MYO5C: variants seen among roughly 807,000 people sequenced by gnomAD.
MYO5C encodes myosin VC, also known as unconventional myosin-Vc.
Under a neutral mutation model 235.7 loss-of-function variants are expected in MYO5C, and 194 were observed. That is an observed-to-expected ratio of 0.82 (90% CI 0.73 to 0.93). The LOEUF (loss-of-function observed/expected upper bound fraction) is 0.93. MYO5C is among the 40% of genes least tolerant of loss of function. MYO5C has a pLI of 0.00. For missense variants in MYO5C, 2,038 were observed against 2,127.2 expected, an observed-to-expected ratio of 0.96 and a Z score of 0.82; for synonymous variants, 707 against 754.8, an observed-to-expected ratio of 0.94 and a Z score of 1.04.
chr15:52,220,548 G>A (rs932900477), intron 30 of MYO5C, among the ~76,000 whole-genome samples: 8 of 152,064 alleles, frequency 5.3e-5, no homozygotes, highest in African/African-American at 1.9e-4. Flanking sequence ...GCTGGGTTCA[G>A]TAGCTCACGG....
intron 7 of MYO5C, among the ~76,000 whole-genome samples, chr15:52,270,201 G>A (rs1012980534): frequency 6.6e-6 from 1 of 152,192 alleles, no homozygotes; most frequent in African/African-American, 2.4e-5. Flanking sequence ...AGGATCACTT[G>A]AGCCCAGGAG....
rs2035516240 is a variant in MYO5C, at chr15:52,214,724, A to C, written c.3955-34T>G. ...ATAAAAAGAAACCAGGATTTAGCTT[A>C]GAAGCACTTTAATCTATTTTTTTTT... On this transcript the variant is annotated intron_variant, in intron 32 of 40. Coordinates refer to ENST00000261839, the MANE Select transcript of MYO5C (RefSeq NM_018728.4). The C allele has an allele frequency of 2.1e-6, 3 of 1,451,656 alleles. No individual in the cohort carries two copies. In the Admixed American group the frequency reaches 7.2e-5, roughly 35 times the overall value. 89.9% of individuals were successfully genotyped at this position (1,451,656 alleles called of 1,614,324 possible). A position where few individuals can be genotyped will look rare whatever the true frequency, so the allele number is the denominator to read the frequency against.
intron 8 of MYO5C, among the ~76,000 whole-genome samples, chr15:52,267,422 A>T (rs1161953521): frequency 6.6e-6 from 1 of 152,224 alleles, no homozygotes; most frequent in Non-Finnish European, 1.5e-5. Context: ...ATGGTGGCTT[A>T]TGCCTGTAAT....
At chr15:52,221,287 A>T in intron 29 of MYO5C, 32 bp from the exon 30 acceptor site, 1 of 1,460,132 alleles carries the variant, frequency 6.8e-7, no homozygotes, top group Non-Finnish European at 9.4e-7. Flanking sequence ...ATTAGAATAT[A>T]AAATACTTTT....
intron 32 of MYO5C, among the ~76,000 whole-genome samples, chr15:52,215,419 CAT>C (rs1003224383): frequency 1.1e-4 from 16 of 152,322 alleles, no homozygotes; most frequent in African/African-American, 3.6e-4. Context: ...GCATTTGACA[CAT>C]ATAGAATTCA....
Position 52,235,735 on chromosome 15 carries a change from G to A in MYO5C, c.2897C>T (p.Ser966Leu). ...EKLAKLQKHNSELETQKEQIQ... is the reference protein window; with the variant it reads ...EKLAKLQKHNLELETQKEQIQ... ...TTGTTCTTTCTGTGTTTCCAGTTCT[G>A]AATTATGCTTCTGAAGCTTTGCCAA... Residue 966 changes from serine to leucine, a missense_variant, in exon 23 of 41, where the codon TCA becomes TTA. By Grantham distance (145) the Ser-to-Leu change is moderately radical. Coordinates refer to ENST00000261839, the MANE Select transcript of MYO5C (RefSeq NM_018728.4). The A allele has an allele frequency of 6.2e-7, 1 of 1,611,176 alleles. No individual in the cohort carries two copies. Among genetic ancestry groups the A allele is most frequent in the East Asian group, 2.2e-5 (1 of 44,826 alleles).
rs755980618 is a variant in MYO5C, at chr15:52,242,148, C to A, written c.2456G>T (p.Arg819Leu). ...ATACAGGCTGCGAACAAGATACCCGCGGCAGTGCTTCTGAATGATTATGGC... is the reference window on the plus strand; with the variant it reads ...ATACAGGCTGCGAACAAGATACCCGAGGCAGTGCTTCTGAATGATTATGGC... ...WAAIIIQKHC[R>L]GYLVRSLYQL... Residue 819 changes from arginine (R) to leucine (L), a missense_variant, in exon 20 of 41, where the codon CGC (arginine) becomes CTC (leucine). By Grantham distance (102) the Arg-to-Leu change is moderately radical. Coordinates refer to ENST00000261839, the MANE Select transcript of MYO5C (RefSeq NM_018728.4). 1.2e-6 allele frequency: 2 copies of A among 1,614,126 alleles called. No individual in the cohort carries two copies. The highest frequency in any genetic ancestry group is 1.7e-5 in the Admixed American group (1 of 60,020).
intron 3 of MYO5C, 103 bp from the exon 4 acceptor site, chr15:52,279,120 C>T (rs1468952191): frequency 5.5e-6 from 7 of 1,268,764 alleles, no homozygotes; most frequent in African/African-American, 1.5e-5. Flanking sequence ...ATTAAACCTT[C>T]TGTGTGACTT....
At chr15:52,268,273 AGAAATGGCTGGCC>A (rs1310739308) in intron 8 of MYO5C, among the ~76,000 whole-genome samples, 2 of 152,224 alleles carry the variant, frequency 1.3e-5, no homozygotes, top group African/African-American at 2.4e-5. Flanking sequence ...AGCAAGACGT[AGAAATGGCTGGCC>A]GGGCGCGGTG....
chr15:52,225,567 A>G (rs778483603), intron 25 of MYO5C, 35 bp from the exon 26 acceptor site: 5 of 1,431,832 alleles, frequency 3.5e-6, no homozygotes, highest in South Asian at 1.1e-5. Context: ...AGGTAAAGAA[A>G]AAACAACGAT....
intron 8 of MYO5C, among the ~76,000 whole-genome samples, chr15:52,267,351 T>A (rs2036834503): frequency 6.6e-6 from 1 of 152,030 alleles, no homozygotes; most frequent in African/African-American, 2.4e-5. Flanking sequence ...TCCTCACGAG[T>A]TGTCATGAAA....
In MYO5C at chr15:52,261,012, G is replaced by T. The variant is rs2036683356; in HGVS notation, c.1163C>A (p.Pro388His). ...IVTSSETVVK[P>H]MTRPQAVNAR... ...GTTGACAGCCTGAGGCCTGGTCATG[G>T]GTTTTACCACCGTCTCAGAGCTTGT... Residue 388 changes from proline to histidine, a missense_variant, in exon 10 of 41, where the codon CCC (proline) becomes CAC (histidine). Pro to His is a moderately conservative substitution (Grantham distance 77, BLOSUM62 -2). Coordinates refer to ENST00000261839, the MANE Select transcript of MYO5C (RefSeq NM_018728.4). The T allele has an allele frequency of 6.2e-7, 1 of 1,614,174 alleles. No homozygotes were observed. The highest frequency in any genetic ancestry group is 8.5e-7 in the Non-Finnish European group (1 of 1,180,022).
At position 52,232,272 on chromosome 15, in the gene MYO5C, G is replaced by A. The variant is rs201745800; in HGVS notation, c.3026+350C>T. 1.3e-3 allele frequency among the ~76,000 whole-genome samples: 159 copies of A among 117,834 alleles called. 18 individuals carry two copies. The highest frequency in any genetic ancestry group is 4.2e-3 in the African/African-American group (110 of 26,002). 77.3% of individuals were successfully genotyped at this position (117,834 alleles called of 152,430 possible). A position where few individuals can be genotyped will look rare whatever the true frequency, so the allele number is the denominator to read the frequency against. Reference sequence around the variant, plus strand: ...AGGAGAGAAGGAAGGAAGGAGAGAAGGAAGGAAGGAGAGAAGGAAGGAAGG... The same window carrying A: ...AGGAGAGAAGGAAGGAAGGAGAGAAAGAAGGAAGGAGAGAAGGAAGGAAGG... On this transcript the variant is annotated intron_variant, in intron 24 of 40. Transcript: ENST00000261839.
chr15:52,222,559 A>C (rs2035715595), intron 29 of MYO5C, among the ~76,000 whole-genome samples: 3 of 151,904 alleles, frequency 2.0e-5, no homozygotes, highest in African/African-American at 7.3e-5. Context: ...TGAGGGTGCA[A>C]AGGAACCCTT....
chr15:52,193,250 T>C lies in MYO5C; in HGVS notation c.*652A>G, dbSNP rs1375957058. On this transcript the variant is annotated 3_prime_UTR_variant, in exon 41 of 41. Transcript: ENST00000261839. ...ATTGTTTGAACCCAGGAAGCGGAGG[T>C]TGCAATAAGCCGAGATCATGCCACT... 3.4e-5 allele frequency: 5 copies of C among 146,514 alleles called. No individual in the cohort carries two copies. Among genetic ancestry groups the C allele is most frequent in the Non-Finnish European group, 4.4e-5 (3 of 67,442 alleles). The allele number at this position is 146,514 out of a possible 1,614,324, so 9.1% of individuals were successfully genotyped here.
chr15:52,264,545 T>C (rs561160668), intron 8 of MYO5C, among the ~76,000 whole-genome samples: 1 of 152,184 alleles, frequency 6.6e-6, no homozygotes, highest in Non-Finnish European at 1.5e-5. Context: ...CAAAAATTAA[T>C]ATCCCAGTAA....
chr15:52,208,249 TTTTA>T (rs2035365950), intron 36 of MYO5C, among the ~76,000 whole-genome samples: 1 of 152,250 alleles, frequency 6.6e-6, no homozygotes, highest in African/African-American at 2.4e-5. Context: ...GAAACAGGCA[TTTTA>T]AACCAAAGCC....
chr15:52,249,649 G>C (rs2036430210), intron 13 of MYO5C, among the ~76,000 whole-genome samples: 1 of 152,130 alleles, frequency 6.6e-6, no homozygotes, highest in African/African-American at 2.4e-5. Flanking sequence ...TGTGAATGAA[G>C]TACCTGGATT....
intron 14 of MYO5C, 51 bp from the exon 15 acceptor site, chr15:52,247,643 C>A: frequency 6.3e-7 from 1 of 1,595,272 alleles, no homozygotes; most frequent in African/African-American, 1.3e-5. Context: ...GCCCACAGTA[C>A]TCACTCATAC....
Sources: gnomAD v4.1 joint callset for allele counts (sites outside exome capture counted in the v4.1 genomes callset) on GRCh38, gnomAD v4.1.1 for gene constraint, MANE v1.5 for transcripts, NCBI Gene and HGNC (gene_info 2026-07-23, HGNC 2026-07-21) for gene names.